The following LRRTM4 variants were observed in gnomAD, a reference collection of about 807,000 sequenced individuals.
LRRTM4 encodes the protein leucine rich repeat transmembrane neuronal 4, also known as leucine-rich repeat transmembrane neuronal protein 4.
In LRRTM4, 25 loss-of-function variants were observed where a neutral mutation model predicts 47.6. The ratio of observed to expected loss-of-function variants is 0.53; its 90% CI spans 0.38 to 0.73. The LOEUF is 0.73. Among genes scored for constraint, LRRTM4 ranks in the 30% least tolerant of loss-of-function variants. LRRTM4 has a pLI of 0.00. For synonymous variants in LRRTM4, 311 were observed against 269.5 expected (o/e 1.15, Z -1.51); for missense variants, 638 against 713.4 (o/e 0.89, Z 1.20).
chr2:77,093,090 A>G lies in LRRTM4; in HGVS notation c.1552-344174T>C, dbSNP rs972030902. ...CCAGACCAACTTAGACTGTGCCCCA[A>G]AAAACTTGTCATCCCCACTATCTTC... On this transcript the variant is annotated intron_variant, in intron 3 of 3. Transcript: ENST00000409884. Among the ~76,000 whole-genome samples, 75 of 136,638 alleles carry G rather than the reference A, an allele frequency of 5.5e-4. 2 individuals are homozygous for G. The highest frequency in any genetic ancestry group is 1.4e-3 in the African/African-American group (47 of 32,802). 89.6% of individuals were successfully genotyped at this position (136,638 alleles called of 152,430 possible).
intron 3 of LRRTM4, among the ~76,000 whole-genome samples, chr2:77,356,541 G>C (rs967998607): frequency 6.6e-6 from 1 of 152,160 alleles, no homozygotes; most frequent in African/African-American, 2.4e-5. Flanking sequence ...CTTCAATTTT[G>C]GTGGTTAAAA....
Position 76,748,932 on chromosome 2 carries a change from A to G in LRRTM4, c.1552-16T>C, listed in dbSNP as rs766297835. The G allele has an allele frequency of 5.0e-6, 8 of 1,604,196 alleles. No homozygotes were observed. The highest frequency in any genetic ancestry group is 6.8e-6 in the Non-Finnish European group (8 of 1,171,486). Reference sequence around the variant, plus strand: ...GGTGTGGCATCTGGATATGAGAAATAGAAAGATGGGTGGATTATAAAATTG... The same window carrying G: ...GGTGTGGCATCTGGATATGAGAAATGGAAAGATGGGTGGATTATAAAATTG... On this transcript the variant is annotated splice_polypyrimidine_tract_variant and intron_variant, in intron 3 of 3. Coordinates refer to ENST00000409884, the MANE Select transcript of LRRTM4 (RefSeq NM_001134745.3).
At chr2:77,437,340 A>T (rs1040651299) in intron 3 of LRRTM4, among the ~76,000 whole-genome samples, 1 of 152,086 alleles carries the variant, frequency 6.6e-6, no homozygotes, top group African/African-American at 2.4e-5. Flanking sequence ...TTATACAGAG[A>T]TTCAACCCTC....
At chr2:77,326,078 A>G (rs1175796629) in intron 3 of LRRTM4, among the ~76,000 whole-genome samples, 1 of 152,208 alleles carries the variant, frequency 6.6e-6, no homozygotes, top group Admixed American at 6.5e-5. Context: ...GGAGGAAAGG[A>G]GCCAAAGACA....
intron 3 of LRRTM4, among the ~76,000 whole-genome samples, chr2:76,940,211 T>C (rs893789374): frequency 2.6e-5 from 4 of 152,132 alleles, no homozygotes; most frequent in Non-Finnish European, 4.4e-5. Flanking sequence ...GCAGCCCTAA[T>C]TGTAATAGCA....
chr2:77,126,840 T>C (rs769040743), intron 3 of LRRTM4, among the ~76,000 whole-genome samples: 3 of 152,212 alleles, frequency 2.0e-5, no homozygotes, highest in Non-Finnish European at 2.9e-5. Flanking sequence ...ACTGGCTTTT[T>C]TCAGGAGAGG....
chr2:76,981,304 T>C (rs1375232941), intron 3 of LRRTM4, among the ~76,000 whole-genome samples: 1 of 152,092 alleles, frequency 6.6e-6, no homozygotes, highest in Non-Finnish European at 1.5e-5. Flanking sequence ...AATTATTTCT[T>C]AACTATCTCT....
intron 3 of LRRTM4, among the ~76,000 whole-genome samples, chr2:77,046,123 G>C (rs1378405301): frequency 1.3e-5 from 2 of 151,674 alleles, no homozygotes; most frequent in African/African-American, 4.8e-5. Context: ...ACCTGTACTG[G>C]GAGCTAAAAC....
intron 3 of LRRTM4, among the ~76,000 whole-genome samples, chr2:76,820,051 A>G (rs532326839): frequency 1.4e-4 from 22 of 152,078 alleles, no homozygotes; most frequent in African/African-American, 4.8e-4. Context: ...TTTTCCTTTA[A>G]TAAAATTTCT....
chr2:77,442,354 G>A (rs374537951), intron 3 of LRRTM4, among the ~76,000 whole-genome samples: 1 of 152,148 alleles, frequency 6.6e-6, no homozygotes, highest in East Asian at 1.9e-4. Flanking sequence ...TAAAAAAGTA[G>A]TGAGTCTTAA....
intron 3 of LRRTM4, among the ~76,000 whole-genome samples, chr2:77,338,956 A>C (rs1022108819): frequency 2.0e-5 from 3 of 151,998 alleles, no homozygotes; most frequent in Non-Finnish European, 4.4e-5. Flanking sequence ...GCAGCAACAT[A>C]GATGCAGCTG....
chr2:77,215,745 A>G (rs1447752128), intron 3 of LRRTM4, among the ~76,000 whole-genome samples: 2 of 152,176 alleles, frequency 1.3e-5, no homozygotes, highest in Non-Finnish European at 2.9e-5. Flanking sequence ...TTAAAGTTTA[A>G]TTGAACTTCG....
rs534286705 is a variant in LRRTM4 at position 77,163,066 on chromosome 2, G to C, written c.1551+355252C>G. Among the ~76,000 whole-genome samples, 19 of 152,206 alleles carry C rather than the reference G, an allele frequency of 1.2e-4. No homozygotes were observed. In the South Asian group the frequency reaches 3.3e-3, roughly 27 times the overall value. ...GGATCTTGGAACCCATCACAAAGAAGTTAAAACCCTTGAAAAAAGATTAGA... is the reference window on the plus strand; with the variant it reads ...GGATCTTGGAACCCATCACAAAGAACTTAAAACCCTTGAAAAAAGATTAGA... On this transcript the variant is annotated intron_variant, in intron 3 of 3. Coordinates refer to ENST00000409884, the MANE Select transcript of LRRTM4 (RefSeq NM_001134745.3).
intron 3 of LRRTM4, among the ~76,000 whole-genome samples, chr2:77,401,558 A>C (rs924079260): frequency 3.9e-5 from 6 of 151,908 alleles, no homozygotes; most frequent in African/African-American, 1.4e-4. Context: ...AGCACATAGA[A>C]CAGTTCCTGA....
At chr2:76,998,761 T>C (rs1381054414) in intron 3 of LRRTM4, among the ~76,000 whole-genome samples, 1 of 146,986 alleles carries the variant, frequency 6.8e-6, no homozygotes, top group African/African-American at 2.5e-5. Flanking sequence ...TTTTCCTCTA[T>C]ATTTTCTGTT....
chr2:76,944,975 A>G (rs764132209), intron 3 of LRRTM4, among the ~76,000 whole-genome samples: 1 of 152,218 alleles, frequency 6.6e-6, no homozygotes, highest in East Asian at 1.9e-4. Context: ...CAGGGCTGCT[A>G]TAAGAAACTA....
chr2:76,848,369 T>C (rs1437938538), intron 3 of LRRTM4, among the ~76,000 whole-genome samples: 1 of 152,054 alleles, frequency 6.6e-6, no homozygotes, highest in Non-Finnish European at 1.5e-5. Context: ...AACTTTGGCC[T>C]CTTCTTATTT....
intron 3 of LRRTM4, among the ~76,000 whole-genome samples, chr2:77,466,928 AC>A (rs2103983871): frequency 6.6e-6 from 1 of 151,992 alleles, no homozygotes; most frequent in South Asian, 2.1e-4. Flanking sequence ...CGAACTCCTG[AC>A]CTCAAGTGAT....
At chr2:77,348,551 C>T (rs1354012196) in intron 3 of LRRTM4, among the ~76,000 whole-genome samples, 2 of 149,650 alleles carry the variant, frequency 1.3e-5, no homozygotes, top group Non-Finnish European at 3.0e-5. Context: ...ATATACCTTA[C>T]AAATATACAA....
Sources: allele counts gnomAD v4.1 joint callset (sites outside exome capture counted in the v4.1 genomes callset), GRCh38; gene constraint gnomAD v4.1.1; transcripts MANE v1.5; gene names NCBI Gene and HGNC (gene_info 2026-07-23, HGNC 2026-07-21).